The following TMPRSS15 variants were observed in gnomAD, a reference collection of about 807,000 sequenced individuals.
TMPRSS15 encodes the protein transmembrane serine protease 15.
In TMPRSS15, 128 loss-of-function variants were observed where a neutral mutation model predicts 125.3. The observed-to-expected ratio is 1.02, with a 90% CI of 0.89 to 1.18. The LOEUF (loss-of-function observed/expected upper bound fraction) is 1.18. Ranked by LOEUF, TMPRSS15 falls within the 50% of genes most tolerant of loss-of-function variation. The pLI is 0.00. For synonymous variants in TMPRSS15, 446 were observed against 423.2 expected (o/e 1.05, Z -0.66); for missense variants, 1,283 against 1,212.7 (o/e 1.06, Z -0.86).
At chr21:18,359,612 T>C (rs1016475264) in intron 8 of TMPRSS15, 145 bp downstream of exon 8, 6 of 503,916 alleles carry the variant, frequency 1.2e-5, no homozygotes, top group Non-Finnish European at 2.2e-5. Context: ...TTCTAATTTT[T>C]ATAATGAGAA....
At chr21:18,470,231 C>T (rs1319370274) in intron 1 of TMPRSS15, among the ~76,000 whole-genome samples, 1 of 151,908 alleles carries the variant, frequency 6.6e-6, no homozygotes, top group Non-Finnish European at 1.5e-5. Context: ...TTTCTTTGGG[C>T]CTTCACATCT....
chr21:18,421,694 T>C (rs1162479560), intron 1 of TMPRSS15, among the ~76,000 whole-genome samples: 2 of 152,204 alleles, frequency 1.3e-5, no homozygotes, highest in African/African-American at 4.8e-5. Flanking sequence ...TTTTGAATGC[T>C]CTTCTCCTTA....
At chr21:18,372,906 A>G (rs2075807012) in intron 5 of TMPRSS15, among the ~76,000 whole-genome samples, 1 of 152,224 alleles carries the variant, frequency 6.6e-6, no homozygotes, top group Non-Finnish European at 1.5e-5. Context: ...ACCAAGAAAC[A>G]CATTTTACTT....
intron 1 of TMPRSS15, among the ~76,000 whole-genome samples, chr21:18,401,495 C>A (rs562804901): frequency 6.6e-6 from 1 of 152,174 alleles, no homozygotes; most frequent in East Asian, 1.9e-4. Context: ...AAAACAAATA[C>A]CACATGTTCT....
At chr21:18,272,122 A>G (rs868848927) in intron 24 of TMPRSS15, among the ~76,000 whole-genome samples, 2 of 152,154 alleles carry the variant, frequency 1.3e-5, no homozygotes, top group Non-Finnish European at 1.5e-5. Flanking sequence ...CTGGTTCTAT[A>G]TCCTTGAGGA....
At chr21:18,451,823 A>G (rs1978344094) in intron 1 of TMPRSS15, among the ~76,000 whole-genome samples, 1 of 152,146 alleles carries the variant, frequency 6.6e-6, no homozygotes, top group African/African-American at 2.4e-5. Context: ...TGACTCAGTG[A>G]GTTTAGAGCC....
chr21:18,468,950 C>T (rs113925406), intron 1 of TMPRSS15, among the ~76,000 whole-genome samples: 34 of 152,230 alleles, frequency 2.2e-4, no homozygotes, highest in African/African-American at 1.4e-4. Flanking sequence ...TCATAAGTTA[C>T]GACTTCCTCT....
chr21:18,427,690 ATTC>A (rs1380940073), intron 1 of TMPRSS15, among the ~76,000 whole-genome samples: 1 of 152,194 alleles, frequency 6.6e-6, no homozygotes, highest in East Asian at 1.9e-4. Context: ...TATTCAAATC[ATTC>A]TTCTAACCAG....
At chr21:18,388,272 T>A (rs896164817) in intron 3 of TMPRSS15, among the ~76,000 whole-genome samples, 2 of 152,190 alleles carry the variant, frequency 1.3e-5, no homozygotes, top group African/African-American at 4.8e-5. Flanking sequence ...GGCACGGTAC[T>A]GGCCTCCTAG....
intron 1 of TMPRSS15, among the ~76,000 whole-genome samples, chr21:18,410,116 AT>A (rs71191404): frequency 0.22 from 29,998 of 138,438 alleles, 4,657 homozygotes; most frequent in African/African-American, 0.46. Context: ...CTGGATATGC[AT>A]TTTTTTTTTT....
intron 14 of TMPRSS15, among the ~76,000 whole-genome samples, chr21:18,329,999 G>C (rs1367903745): frequency 6.6e-6 from 1 of 151,956 alleles, no homozygotes; most frequent in Non-Finnish European, 1.5e-5. Flanking sequence ...GTATATGGCT[G>C]TACATATTTC....
chr21:18,379,553 T>C (rs2075873542), intron 4 of TMPRSS15, among the ~76,000 whole-genome samples: 1 of 152,222 alleles, frequency 6.6e-6, no homozygotes. Context: ...ACTCCTCTTT[T>C]ATTTTCTAAC....
chr21:18,459,494 G>A (rs866148295), intron 1 of TMPRSS15, among the ~76,000 whole-genome samples: 3 of 152,004 alleles, frequency 2.0e-5, no homozygotes, highest in East Asian at 1.9e-4. Context: ...GGCTAGTCTC[G>A]AACTCCTGGC....
chr21:18,289,586 T>C (rs79778365), intron 21 of TMPRSS15, among the ~76,000 whole-genome samples: 4,740 of 152,354 alleles, frequency 0.031, 99 homozygotes, highest in Middle Eastern at 0.051. Context: ...TATATGAAAT[T>C]ATTTATTTCA....
chr21:18,380,605 T>C, intron 4 of TMPRSS15: 1 of 470,698 alleles, frequency 2.1e-6, no homozygotes. Context: ...GTAAAGTTGA[T>C]TTAACACATG....
rs144048960 is a variant in TMPRSS15 at position 18,456,841 on chromosome 21, A to G, written c.10+28958T>C. Reference sequence around the variant, plus strand: ...ATTTATATCTTCCTTTTACAAAGTTATGAGTAATTATTTCAAATGACAGGT... The same window carrying G: ...ATTTATATCTTCCTTTTACAAAGTTGTGAGTAATTATTTCAAATGACAGGT... On this transcript the variant is annotated intron_variant, in intron 1 of 7. Transcript: ENST00000422787. 7.9e-5 allele frequency among the ~76,000 whole-genome samples: 12 copies of G among 152,262 alleles called. No homozygotes were observed. In the East Asian group the frequency reaches 1.3e-3, roughly 17 times the overall value.
At position 18,384,711 on chromosome 21, in the gene TMPRSS15, G is replaced by A. The variant is rs146397597; in HGVS notation, c.345-933C>T. Among the ~76,000 whole-genome samples, 7 of 152,134 alleles carry A rather than the reference G, an allele frequency of 4.6e-5. No homozygotes were observed. The East Asian group carries it at 9.7e-4, about 21-fold the overall frequency. On this transcript the variant is annotated intron_variant, in intron 3 of 24. Coordinates refer to ENST00000284885, the MANE Select transcript of TMPRSS15 (RefSeq NM_002772.3). ...CCTCAATAAACTCTAGGCACTCACGGTATACTTGGCTGCTTAAGACACAGA... is the reference window on the plus strand; with the variant it reads ...CCTCAATAAACTCTAGGCACTCACGATATACTTGGCTGCTTAAGACACAGA...
intron 1 of TMPRSS15, among the ~76,000 whole-genome samples, chr21:18,400,326 T>C (rs568822732): frequency 6.6e-6 from 1 of 152,198 alleles, no homozygotes; most frequent in African/African-American, 2.4e-5. Context: ...CTTCATGCTA[T>C]ACTATAAAGC....
At chr21:18,470,366 T>C (rs1978754215) in intron 1 of TMPRSS15, among the ~76,000 whole-genome samples, 2 of 151,958 alleles carry the variant, frequency 1.3e-5, no homozygotes, top group Non-Finnish European at 2.9e-5. Context: ...CCTTGCAAAC[T>C]GTCAAGAATA....
Sources: gnomAD v4.1 joint callset for allele counts (sites outside exome capture counted in the v4.1 genomes callset) on GRCh38, gnomAD v4.1.1 for gene constraint, MANE v1.5 for transcripts, NCBI Gene and HGNC (gene_info 2026-07-23, HGNC 2026-07-21) for gene names.